The following THSD7B variants were observed in gnomAD, a reference collection of about 807,000 sequenced individuals.
THSD7B encodes the protein thrombospondin type 1 domain containing 7B, also known as thrombospondin type-1 domain-containing protein 7B.
THSD7B carries 138 observed loss-of-function variants against 213.6 expected under a neutral mutation model. The observed-to-expected ratio is 0.65, with a 90% CI of 0.56 to 0.74. The LOEUF is 0.74. Among genes scored for constraint, THSD7B ranks in the 30% least tolerant of loss-of-function variants. The pLI, the probability that THSD7B is intolerant of heterozygous loss-of-function variation, is 0.00. For synonymous variants in THSD7B, 742 were observed against 687.0 expected (o/e 1.08, Z -1.25); for missense variants, 1,931 against 1,991.5 (o/e 0.97, Z 0.58).
intron 12 of THSD7B, among the ~76,000 whole-genome samples, chr2:137,335,895 T>G (rs1366634586): frequency 2.0e-5 from 3 of 152,172 alleles, no homozygotes; most frequent in Non-Finnish European, 4.4e-5. Context: ...TTTTTTAGTT[T>G]ATAGCAGCTT....
intron 15 of THSD7B, among the ~76,000 whole-genome samples, chr2:137,453,712 T>C (rs1687702379): frequency 6.6e-6 from 1 of 152,188 alleles, no homozygotes. Flanking sequence ...ATATCTCAAT[T>C]GAAAATAAAA....
chr2:137,115,029 A>T, intron 4 of THSD7B, 95 bp from the exon 5 acceptor site: 1 of 1,392,988 alleles, frequency 7.2e-7, no homozygotes, highest in South Asian at 1.3e-5. Flanking sequence ...CTAGAAAGAG[A>T]GATTATGCCT....
chr2:137,265,459 A>G (rs1297392240), intron 10 of THSD7B, among the ~76,000 whole-genome samples: 3 of 152,200 alleles, frequency 2.0e-5, no homozygotes, highest in African/African-American at 7.2e-5. Flanking sequence ...CCATCCCATT[A>G]CTGGGTATGT....
intron 12 of THSD7B, among the ~76,000 whole-genome samples, chr2:137,368,369 A>T (rs961131999): frequency 1.3e-5 from 2 of 151,964 alleles, no homozygotes; most frequent in Non-Finnish European, 2.9e-5. Context: ...AAAATTTTTT[A>T]AAAAGTGTTA....
chr2:137,366,834 A>G (rs963505194), intron 12 of THSD7B, among the ~76,000 whole-genome samples: 15 of 152,236 alleles, frequency 9.9e-5, no homozygotes, highest in South Asian at 2.1e-4. Flanking sequence ...TTCTATAACT[A>G]TGTTTTCTCT....
intron 12 of THSD7B, among the ~76,000 whole-genome samples, chr2:137,320,227 G>A (rs1226282669): frequency 2.0e-5 from 3 of 152,006 alleles, no homozygotes; most frequent in Admixed American, 2.0e-4. Flanking sequence ...TCTTACATGT[G>A]CAAAGATACT....
intron 4 of THSD7B, among the ~76,000 whole-genome samples, chr2:137,095,446 G>C (rs1688023117): frequency 6.6e-6 from 1 of 152,094 alleles, no homozygotes; most frequent in East Asian, 1.9e-4. Context: ...ATTATTACCT[G>C]ACACAACACA....
chr2:137,053,640 G>C (rs1039405029), intron 2 of THSD7B, among the ~76,000 whole-genome samples: 1 of 151,888 alleles, frequency 6.6e-6, no homozygotes, highest in African/African-American at 2.4e-5. Flanking sequence ...TACTTGGCCA[G>C]ATATTCTAAA....
chr2:137,626,867 A>G (rs377654783), intron 20 of THSD7B, among the ~76,000 whole-genome samples: 54 of 152,334 alleles, frequency 3.5e-4, no homozygotes, highest in African/African-American at 1.2e-3. Context: ...TCCAGTTCCC[A>G]GTAAGTTTCT....
chr2:137,370,310 A>G (rs1213308481), intron 12 of THSD7B, among the ~76,000 whole-genome samples: 1 of 152,168 alleles, frequency 6.6e-6, no homozygotes, highest in South Asian at 2.1e-4. Flanking sequence ...AGATATTTCT[A>G]TGATGTATGA....
chr2:137,282,376 T>C (rs1021365129), intron 12 of THSD7B, among the ~76,000 whole-genome samples: 2 of 152,230 alleles, frequency 1.3e-5, no homozygotes, highest in Non-Finnish European at 2.9e-5. Flanking sequence ...CTGATGGTAG[T>C]TTCTTTCGCT....
chr2:137,329,443 G>A (rs1168240100), intron 12 of THSD7B, among the ~76,000 whole-genome samples: 3 of 152,096 alleles, frequency 2.0e-5, no homozygotes, highest in Admixed American at 6.5e-5. Context: ...TCAGCTCACT[G>A]CAACCCCCAC....
chr2:137,089,703 T>G (rs1005055445), intron 3 of THSD7B, among the ~76,000 whole-genome samples: 1 of 151,998 alleles, frequency 6.6e-6, no homozygotes, highest in Non-Finnish European at 1.5e-5. Context: ...ACAAATTGGG[T>G]GCAGTGTAGA....
intron 12 of THSD7B, among the ~76,000 whole-genome samples, chr2:137,346,395 T>C (rs938725985): frequency 6.6e-6 from 1 of 151,652 alleles, no homozygotes; most frequent in Non-Finnish European, 1.5e-5. Flanking sequence ...TCATTCGTGT[T>C]GTAACATATG....
intron 5 of THSD7B, among the ~76,000 whole-genome samples, chr2:137,158,417 T>C (rs149226121): frequency 4.0e-4 from 61 of 152,330 alleles, no homozygotes; most frequent in Non-Finnish European, 6.9e-4. Context: ...CTGTTCTCTC[T>C]TCCTTTCTCT....
chr2:137,260,602 A>C (rs1318426696), intron 10 of THSD7B, among the ~76,000 whole-genome samples: 3 of 152,166 alleles, frequency 2.0e-5, no homozygotes, highest in Non-Finnish European at 4.4e-5. Flanking sequence ...GTCTCTACAA[A>C]AAACAAACAA....
Position 136,889,001 on chromosome 2 carries a change from TGAGAA to T in THSD7B, c.139+6689_139+6693del, listed in dbSNP as rs546624920. Among the ~76,000 whole-genome samples the T allele has an allele frequency of 1.2e-4, 18 of 151,472 alleles. 1 individual carries two copies. The East Asian group carries it at 3.5e-3, about 29-fold the overall frequency. ...TGTGTGTACATGTATTTAGGGGAGTTGAGAAGAGATGAAAGAGAAAATATGACCCA... is the reference window on the plus strand; with the variant it reads ...TGTGTGTACATGTATTTAGGGGAGTTGAGATGAAAGAGAAAATATGACCCA... On this transcript the variant is annotated intron_variant, in intron 2 of 27. Transcript: ENST00000409968.
chr2:137,661,123 T>C (rs1683335801), intron 25 of THSD7B, among the ~76,000 whole-genome samples: 1 of 152,140 alleles, frequency 6.6e-6, no homozygotes, highest in Non-Finnish European at 1.5e-5. Context: ...TAGAGATTCA[T>C]AATCTTATGC....
chr2:136,891,044 CTTTT>C (rs11314438), intron 2 of THSD7B, among the ~76,000 whole-genome samples: 1 of 151,258 alleles, frequency 6.6e-6, no homozygotes, highest in Non-Finnish European at 1.5e-5. Context: ...TTATTTTGAA[CTTTT>C]TTTATTTCTA....
Sources: allele counts gnomAD v4.1 joint callset (sites outside exome capture counted in the v4.1 genomes callset), GRCh38; gene constraint gnomAD v4.1.1; transcripts MANE v1.5; gene names NCBI Gene and HGNC (gene_info 2026-07-23, HGNC 2026-07-21).